The following NAV2 variants were observed in gnomAD, a reference collection of about 807,000 sequenced individuals.
NAV2 encodes the protein neuron navigator 2, also known as helicase, APC down-regulated 1.
Under a neutral mutation model 223.2 loss-of-function variants are expected in NAV2, and 54 were observed. The observed-to-expected ratio is 0.24, with a 90% CI of 0.19 to 0.30. The LOEUF (loss-of-function observed/expected upper bound fraction) is 0.30. Ranked by LOEUF, NAV2 falls within the 10% of genes least tolerant of loss-of-function variation. The pLI is 1.00. For synonymous variants in NAV2, 1,279 were observed against 1,239.3 expected, an observed-to-expected ratio of 1.03 and a Z score of -0.67; for missense variants, 2,806 against 3,147.5, an observed-to-expected ratio of 0.89 and a Z score of 2.60.
intron 17 of NAV2, among the ~76,000 whole-genome samples, chr11:20,052,090 T>G (rs867794816): frequency 6.6e-6 from 1 of 152,248 alleles, no homozygotes. Flanking sequence ...GTCTTATGGT[T>G]GCAGCCGTCA....
intron 1 of NAV2, among the ~76,000 whole-genome samples, chr11:19,758,124 A>T (rs1057134516): frequency 6.6e-6 from 1 of 152,208 alleles, no homozygotes; most frequent in Non-Finnish European, 1.5e-5. Context: ...GAATGTTGAG[A>T]ATAAAGGGTT....
chr11:19,517,198 C>G (rs572712400), intron 1 of NAV2, among the ~76,000 whole-genome samples: 1 of 152,318 alleles, frequency 6.6e-6, no homozygotes, highest in East Asian at 1.9e-4. Context: ...TACATGATCC[C>G]TTTAGAGCCA....
At chr11:19,885,246 G>A (rs544592815) in intron 5 of NAV2, among the ~76,000 whole-genome samples, 3 of 152,300 alleles carry the variant, frequency 2.0e-5, no homozygotes, top group Admixed American at 2.0e-4. Context: ...ACATCATTGT[G>A]CCCAAGGCCA....
chr11:19,827,786 C>A (rs896417304), intron 1 of NAV2, among the ~76,000 whole-genome samples: 3 of 152,166 alleles, frequency 2.0e-5, no homozygotes, highest in African/African-American at 4.8e-5. Flanking sequence ...TGAATGACAG[C>A]CAATCACAAA....
chr11:19,882,911 T>C (rs2153098589), intron 5 of NAV2, among the ~76,000 whole-genome samples: 1 of 152,352 alleles, frequency 6.6e-6, no homozygotes. Context: ...TGATACTTTC[T>C]AATTGTATTT....
intron 1 of NAV2, among the ~76,000 whole-genome samples, chr11:19,753,285 TG>T (rs1380912672): frequency 6.6e-6 from 1 of 152,220 alleles, no homozygotes; most frequent in Non-Finnish European, 1.5e-5. Flanking sequence ...TCTAGGCCTT[TG>T]CATATTCTGT....
intron 2 of NAV2, among the ~76,000 whole-genome samples, chr11:19,835,361 G>A (rs2060172739): frequency 6.6e-6 from 1 of 152,226 alleles, no homozygotes; most frequent in Non-Finnish European, 1.5e-5. Flanking sequence ...TCTCTCGCCA[G>A]ACTGGCTGTG....
intron 10 of NAV2, among the ~76,000 whole-genome samples, chr11:19,960,903 A>G (rs963240266): frequency 1.5e-4 from 22 of 151,406 alleles, no homozygotes; most frequent in Admixed American, 4.6e-4. Context: ...GTGAACCACT[A>G]TGTCCAGCCC....
chr11:19,463,407 C>G (rs1389863751), intron 1 of NAV2, among the ~76,000 whole-genome samples: 1 of 152,222 alleles, frequency 6.6e-6, no homozygotes, highest in African/African-American at 2.4e-5. Context: ...CATGGTTAAT[C>G]AATTGTGGTA....
chr11:20,107,900 C>T, intron 36 of NAV2, 118 bp downstream of exon 36: 5 of 732,646 alleles, frequency 6.8e-6, no homozygotes, highest in Non-Finnish European at 1.2e-5. Context: ...CAACCCCTCA[C>T]CTGGGAGTTC....
intron 36 of NAV2, among the ~76,000 whole-genome samples, chr11:20,109,501 C>G (rs1268606966): frequency 1.3e-5 from 2 of 152,082 alleles, no homozygotes; most frequent in African/African-American, 4.8e-5. Flanking sequence ...GACCACAGAC[C>G]CAAACAACCA....
At chr11:19,964,977 G>A (rs964708769) in intron 10 of NAV2, among the ~76,000 whole-genome samples, 19 of 151,748 alleles carry the variant, frequency 1.3e-4, no homozygotes, top group East Asian at 5.8e-4. Flanking sequence ...GTGCCACCAC[G>A]CCTGGCTAAT....
At chr11:19,624,304 G>A (rs1590712755) in intron 1 of NAV2, among the ~76,000 whole-genome samples, 1 of 152,168 alleles carries the variant, frequency 6.6e-6, no homozygotes. Context: ...TGTCAGACAG[G>A]GACATTTAAG....
At chr11:19,820,926 G>A (rs1565372488) in intron 1 of NAV2, among the ~76,000 whole-genome samples, 1 of 152,184 alleles carries the variant, frequency 6.6e-6, no homozygotes. Context: ...AAATGAATAG[G>A]AAAGTACTTT....
intron 11 of NAV2, among the ~76,000 whole-genome samples, chr11:20,034,776 G>T (rs2056189828): frequency 6.6e-6 from 1 of 152,202 alleles, no homozygotes; most frequent in Non-Finnish European, 1.5e-5. Flanking sequence ...GACAGAGTGT[G>T]ACAGGCTTGA....
intron 1 of NAV2, among the ~76,000 whole-genome samples, chr11:19,798,245 C>T (rs1027410013): frequency 1.2e-4 from 18 of 152,190 alleles, no homozygotes; most frequent in African/African-American, 4.1e-4. Context: ...CTGTAATAGA[C>T]AGAAGTGCAC....
intron 1 of NAV2, among the ~76,000 whole-genome samples, chr11:19,661,312 G>A (rs950638337): frequency 3.3e-5 from 5 of 152,088 alleles, no homozygotes; most frequent in African/African-American, 1.2e-4. Context: ...ATATCATACT[G>A]TCTGGATATA....
chr11:19,432,197 CAAAA>C (rs35019617), intron 1 of NAV2, among the ~76,000 whole-genome samples: 8 of 129,376 alleles, frequency 6.2e-5, no homozygotes, highest in Admixed American at 3.1e-4. Context: ...AAACTCCGAC[CAAAA>C]AAAAAAAAAA....
chr11:19,682,837 A>G (rs953786761), intron 1 of NAV2, among the ~76,000 whole-genome samples: 2 of 152,106 alleles, frequency 1.3e-5, no homozygotes, highest in Non-Finnish European at 2.9e-5. Flanking sequence ...ACCTCCCACC[A>G]GGCCCCATCT....
Sources: gnomAD v4.1 joint callset for allele counts (sites outside exome capture counted in the v4.1 genomes callset) on GRCh38, gnomAD v4.1.1 for gene constraint, MANE v1.5 for transcripts, NCBI Gene and HGNC (gene_info 2026-07-23, HGNC 2026-07-21) for gene names.